Variants in GATAD2B observed in about 807,000 individuals in gnomAD.
GATAD2B encodes the protein transcriptional repressor p66-beta.
Under a neutral mutation model 64.3 loss-of-function variants are expected in GATAD2B, and 8 were observed. The observed-to-expected ratio is 0.12, with a 90% confidence interval of 0.07 to 0.22. GATAD2B has a LOEUF of 0.22. Among genes scored for constraint, GATAD2B ranks in the 10% least tolerant of loss-of-function variants. GATAD2B has a pLI of 1.00. For missense variants in GATAD2B, 453 were observed against 752.0 expected (o/e 0.60, Z 4.65); for synonymous variants, 281 against 271.3 (o/e 1.04, Z -0.35).
intron 1 of GATAD2B, among the ~76,000 whole-genome samples, chr1:153,898,604 G>A (rs958565429): frequency 6.6e-5 from 10 of 152,034 alleles, no homozygotes; most frequent in African/African-American, 1.7e-4. Flanking sequence ...GCCAGTGCAC[G>A]CCTGTAGTCC....
At chr1:153,839,996 T>C (rs192520103) in intron 1 of GATAD2B, among the ~76,000 whole-genome samples, 5 of 151,514 alleles carry the variant, frequency 3.3e-5, no homozygotes, top group South Asian at 2.1e-4. Context: ...GTTTTGGTTT[T>C]AAAATCCTAA....
chr1:153,873,110 A>AGG (rs1186307852), intron 1 of GATAD2B, among the ~76,000 whole-genome samples: 1 of 152,158 alleles, frequency 6.6e-6, no homozygotes, highest in Non-Finnish European at 1.5e-5. Context: ...ATGTTAACAC[A>AGG]GGGAAGAAGG....
At chr1:153,844,637 T>A (rs972930177) in intron 1 of GATAD2B, among the ~76,000 whole-genome samples, 1 of 151,456 alleles carries the variant, frequency 6.6e-6, no homozygotes, top group Non-Finnish European at 1.5e-5. Flanking sequence ...TTGGAAATCA[T>A]CATTCTCAGT....
chr1:153,896,562 G>C (rs1455766971), intron 1 of GATAD2B, among the ~76,000 whole-genome samples: 1 of 150,872 alleles, frequency 6.6e-6, no homozygotes, highest in Non-Finnish European at 1.5e-5. Context: ...TCAGCCTCCT[G>C]AGTAGCTGGG....
Position 153,835,825 on chromosome 1 carries a change from C to T in GATAD2B, c.-1-7477G>A, listed in dbSNP as rs1430494895. On this transcript the variant is annotated intron_variant, in intron 1 of 10. Transcript: ENST00000368655. ...ACAACCTCTGCCTCCTGAGTTCAAG[C>T]GATTCTACTGCCTCAGCCTCCTGAG... Among the ~76,000 whole-genome samples, 4 of 151,940 alleles carry T rather than the reference C, an allele frequency of 2.6e-5. No homozygotes were observed. In the East Asian group the frequency reaches 5.8e-4, roughly 22 times the overall value.
intron 1 of GATAD2B, among the ~76,000 whole-genome samples, chr1:153,906,170 G>C (rs1321571223): frequency 1.3e-5 from 2 of 151,636 alleles, no homozygotes; most frequent in African/African-American, 4.8e-5. Flanking sequence ...AGCACTTGGA[G>C]AGCCAGAGGC....
intron 1 of GATAD2B, among the ~76,000 whole-genome samples, chr1:153,920,657 TCAA>T (rs1181462823): frequency 6.6e-6 from 1 of 152,180 alleles, no homozygotes; most frequent in Admixed American, 6.5e-5. Flanking sequence ...GATGCTGCTG[TCAA>T]CTACAAATCA....
chr1:153,869,910 G>C (rs1321244652), intron 1 of GATAD2B, among the ~76,000 whole-genome samples: 1 of 152,066 alleles, frequency 6.6e-6, no homozygotes, highest in African/African-American at 2.4e-5. Context: ...CAGATGCCTT[G>C]AGCCCAGGAG....
chr1:153,901,938 G>A (rs906713112), intron 1 of GATAD2B, among the ~76,000 whole-genome samples: 2 of 143,430 alleles, frequency 1.4e-5, no homozygotes, highest in African/African-American at 2.6e-5. Context: ...GGGCAACAGG[G>A]ATAATCAGGA....
chr1:153,882,376 G>A (rs1194620419), intron 1 of GATAD2B, among the ~76,000 whole-genome samples: 1 of 152,072 alleles, frequency 6.6e-6, no homozygotes, highest in Non-Finnish European at 1.5e-5. Context: ...CTAGTGCTAG[G>A]GAACAGGTAC....
intron 1 of GATAD2B, among the ~76,000 whole-genome samples, chr1:153,831,550 T>C (rs972893524): frequency 5.3e-5 from 8 of 152,154 alleles, no homozygotes; most frequent in African/African-American, 1.9e-4. Flanking sequence ...TCACATATCA[T>C]ACAATTCACC....
In GATAD2B at chr1:153,811,785, T is replaced by C. The variant is rs894154569; in HGVS notation, c.1594A>G (p.Asn532Asp). ...GACAACTGGGGTGCCTGTGCAAAGT[T>C]TGAAAGCATGGAGCGGGCAGATGTG... ...IPTSARSMLS[N>D]FAQAPQLSVP... Residue 532 changes from asparagine to aspartate, a missense_variant, in exon 10 of 11, where the codon AAC becomes GAC. By Grantham distance (23) the Asn-to-Asp change is conservative. Coordinates refer to ENST00000368655, the MANE Select transcript of GATAD2B (RefSeq NM_020699.4). The C allele has an allele frequency of 3.7e-6, 6 of 1,612,770 alleles. No individual in the cohort carries two copies. The highest frequency in any genetic ancestry group is 2.2e-5 in the East Asian group (1 of 44,890).
At chr1:153,848,855 G>T (rs1170638716) in intron 1 of GATAD2B, among the ~76,000 whole-genome samples, 2 of 152,190 alleles carry the variant, frequency 1.3e-5, no homozygotes, top group Non-Finnish European at 2.9e-5. Context: ...TCAGAAGGCT[G>T]AGGCAGAGAA....
chr1:153,845,888 T>C (rs929261121), intron 1 of GATAD2B, among the ~76,000 whole-genome samples: 3 of 152,034 alleles, frequency 2.0e-5, no homozygotes, highest in African/African-American at 7.2e-5. Flanking sequence ...TTTACCATGA[T>C]TGCACCATTG....
intron 1 of GATAD2B, among the ~76,000 whole-genome samples, chr1:153,911,352 A>G (rs1571008369): frequency 6.6e-6 from 1 of 152,284 alleles, no homozygotes; most frequent in South Asian, 2.1e-4. Flanking sequence ...ATAACCAACA[A>G]AAGAAAGAGC....
At position 153,810,087 on chromosome 1, in the gene GATAD2B, G is replaced by T; in HGVS notation, c.*90C>A. The T allele has an allele frequency of 7.7e-7, 1 of 1,294,354 alleles. No homozygotes were observed. Among genetic ancestry groups the T allele is most frequent in the Non-Finnish European group, 1.1e-6 (1 of 925,512 alleles). The allele number at this position is 1,294,354 out of a possible 1,614,324, so 80.2% of individuals were successfully genotyped here. On this transcript the variant is annotated 3_prime_UTR_variant, in exon 11 of 11. Coordinates refer to ENST00000368655, the MANE Select transcript of GATAD2B (RefSeq NM_020699.4). ...TGCTTTCCGTGTATGGTAGGCACCA[G>T]TACAGGCACTGCATGCGACAGAAGT... is the stretch of plus-strand genomic sequence containing the variant.
intron 1 of GATAD2B, among the ~76,000 whole-genome samples, chr1:153,863,391 G>A (rs1358087812): frequency 6.6e-6 from 1 of 151,776 alleles, no homozygotes; most frequent in East Asian, 2.0e-4. Flanking sequence ...AGCTAATTGG[G>A]AGGCTGAGGC....
At position 153,835,450 on chromosome 1, in the gene GATAD2B, C is replaced by T. The variant is rs1159489152; in HGVS notation, c.-1-7102G>A. 2.6e-5 allele frequency among the ~76,000 whole-genome samples: 4 copies of T among 151,290 alleles called. 1 individual carries two copies. The highest frequency in any genetic ancestry group is 7.3e-5 in the African/African-American group (3 of 41,078). On this transcript the variant is annotated intron_variant, in intron 1 of 10. Coordinates refer to ENST00000368655, the MANE Select transcript of GATAD2B (RefSeq NM_020699.4). ...AAGAAACTGCCAGGTTGGGCAGGCG[C>T]AGTGGCTCATGCCTGTAATCTCAAA...
chr1:153,838,494 G>A (rs557820852), intron 1 of GATAD2B, among the ~76,000 whole-genome samples: 1 of 151,966 alleles, frequency 6.6e-6, no homozygotes, highest in South Asian at 2.1e-4. Context: ...GCAAAGAGAC[G>A]CGCCCTGCCT....
Sources: allele counts gnomAD v4.1 joint callset (sites outside exome capture counted in the v4.1 genomes callset), GRCh38; gene constraint gnomAD v4.1.1; transcripts MANE v1.5; gene names NCBI Gene and HGNC (gene_info 2026-07-23, HGNC 2026-07-21).